Variants in TULP4 observed in about 807,000 individuals in gnomAD.
The protein encoded by TULP4 is TUB like protein 4, also known as tubby-related protein 4.
A neutral mutation model predicts 129.0 loss-of-function variants in TULP4; 16 were observed. The ratio of observed to expected loss-of-function variants is 0.12; its 90% CI spans 0.08 to 0.19. The LOEUF (loss-of-function observed/expected upper bound fraction) is 0.19, where lower values mean the gene tolerates loss of function less well. Ranked by LOEUF, TULP4 falls within the 10% of genes least tolerant of loss-of-function variation. The pLI is 1.00. For synonymous variants in TULP4, 998 were observed against 854.0 expected (o/e 1.17, Z -2.94); for missense variants, 1,842 against 2,059.1 (o/e 0.89, Z 2.04).
chr6:158,361,067 A>G (rs1211740542), intron 1 of TULP4, among the ~76,000 whole-genome samples: 1 of 152,118 alleles, frequency 6.6e-6, no homozygotes, highest in African/African-American at 2.4e-5. Context: ...TTTCTTTTTT[A>G]AAGTGATTGC....
intron 1 of TULP4, among the ~76,000 whole-genome samples, chr6:158,303,154 A>G (rs1779158342): frequency 6.6e-6 from 1 of 151,314 alleles, no homozygotes; most frequent in South Asian, 2.1e-4. Context: ...AGCCCATCCT[A>G]GGACCCCGTG....
rs948346066 is a variant in TULP4 at position 158,246,505 on chromosome 6, A to T, written n.68+14202A>T. On this transcript the variant is annotated intron_variant and non_coding_transcript_variant, in intron 1 of 1. Coordinates refer to the TULP4 transcript ENST00000620026. The stretch of plus-strand genomic sequence containing the variant: ...AGACTCCATCTCAAAAAAAAAAAAA[A>T]AATTAAATACATTATTTGCTCAGAA... Among the ~76,000 whole-genome samples, 354 of 152,192 alleles carry T rather than the reference A, an allele frequency of 2.3e-3. 1 individual carries two copies. The highest frequency in any genetic ancestry group is 3.9e-3 in the Non-Finnish European group (265 of 68,010).
rs1406839382 is a variant in TULP4 at position 158,493,507 on chromosome 6, G to A, written c.1632-66G>A. 5 of 1,389,950 alleles carry A rather than the reference G, an allele frequency of 3.6e-6. No homozygotes were observed. Among genetic ancestry groups the A allele is most frequent in the African/African-American group, 1.5e-5 (1 of 66,834 alleles). The allele number at this position is 1,389,950 out of a possible 1,614,324, so 86.1% of individuals were successfully genotyped here. On this transcript the variant is annotated intron_variant, in intron 9 of 13. Coordinates refer to ENST00000367097, the MANE Select transcript of TULP4 (RefSeq NM_020245.5). The surrounding 1 kb of genome is among the most constrained non-coding windows in gnomAD (Gnocchi z 4.4). ...CTGTCCAGAAAAAGAAAGGACTGCT[G>A]GAGTCAGGGCCATGCTCACCATTCC... is the stretch of plus-strand genomic sequence containing the variant.
intron 1 of TULP4, among the ~76,000 whole-genome samples, chr6:158,404,326 A>G (rs1229938548): frequency 6.6e-6 from 1 of 152,160 alleles, no homozygotes; most frequent in Non-Finnish European, 1.5e-5. Flanking sequence ...TTCTAACCAT[A>G]CCTGCTTCTT....
intron 1 of TULP4, among the ~76,000 whole-genome samples, chr6:158,378,008 C>CT (rs1222127237): frequency 6.6e-6 from 1 of 152,152 alleles, no homozygotes; most frequent in East Asian, 1.9e-4. Context: ...TCTCTGAGGG[C>CT]TGATAGGCTC....
chr6:158,335,041 G>T (rs1359768467), intron 1 of TULP4, among the ~76,000 whole-genome samples: 4 of 152,140 alleles, frequency 2.6e-5, no homozygotes, highest in Non-Finnish European at 5.9e-5. Flanking sequence ...GCTTTGGGAG[G>T]TTGAGGCGGG....
intron 1 of TULP4, among the ~76,000 whole-genome samples, chr6:158,262,574 C>T (rs1778370817): frequency 6.6e-6 from 1 of 152,162 alleles, no homozygotes; most frequent in African/African-American, 2.4e-5. Flanking sequence ...GAGCTTAGGT[C>T]AGTAATTTTC....
At chr6:158,243,544 C>T (rs1232844713) in intron 1 of TULP4, among the ~76,000 whole-genome samples, 2 of 151,554 alleles carry the variant, frequency 1.3e-5, no homozygotes. Flanking sequence ...CCTATAGGTT[C>T]TCTATCTTTT....
At chr6:158,467,903 A>G (rs1779588113) in intron 6 of TULP4, among the ~76,000 whole-genome samples, 1 of 152,180 alleles carries the variant, frequency 6.6e-6, no homozygotes, top group African/African-American at 2.4e-5. Context: ...GAGCCTTAAC[A>G]TTGTATCTTA....
intron 6 of TULP4, among the ~76,000 whole-genome samples, chr6:158,473,480 A>C (rs1288839175): frequency 6.6e-6 from 1 of 152,240 alleles, no homozygotes; most frequent in African/African-American, 2.4e-5. Flanking sequence ...GGCTCCAACC[A>C]ACGTAGTTTG....
chr6:158,461,455 T>G, intron 5 of TULP4, 108 bp from the exon 6 acceptor site: 10 of 1,042,750 alleles, frequency 9.6e-6, no homozygotes, highest in Non-Finnish European at 1.4e-5. Flanking sequence ...ATTTTTGTTG[T>G]ATTTGCTCAG....
Position 158,296,617 on chromosome 6 carries a change from G to A in TULP4, n.116+14239G>A, listed in dbSNP as rs145459532. Among the ~76,000 whole-genome samples, 804 of 152,104 alleles carry A rather than the reference G, an allele frequency of 5.3e-3. 6 individuals are homozygous for A. Among genetic ancestry groups the A allele is most frequent in the African/African-American group, 0.018 (767 of 41,484 alleles). Reference sequence around the variant, plus strand: ...AAAAGCAGAACTACTGATAAGTATCGGGGGAACCCACCCCCAATATTTCAA... The same window carrying A: ...AAAAGCAGAACTACTGATAAGTATCAGGGGAACCCACCCCCAATATTTCAA... On this transcript the variant is annotated intron_variant and non_coding_transcript_variant, in intron 1 of 1. Coordinates refer to the TULP4 transcript ENST00000432358.
chr6:158,363,860 A>G (rs1780857513), intron 1 of TULP4, among the ~76,000 whole-genome samples: 1 of 152,184 alleles, frequency 6.6e-6, no homozygotes, highest in Non-Finnish European at 1.5e-5. Context: ...ATAAATACAT[A>G]TTAAAATAGT....
In TULP4 at chr6:158,305,544, TA is replaced by T. The variant is rs879781930; in HGVS notation, n.117-6495del. Among the ~76,000 whole-genome samples, 63 of 143,906 alleles carry T rather than the reference TA, an allele frequency of 4.4e-4. 1 individual carries two copies. The highest frequency in any genetic ancestry group is 7.6e-4 in the Admixed American group (11 of 14,430). 94.4% of individuals were successfully genotyped at this position (143,906 alleles called of 152,430 possible). On this transcript the variant is annotated intron_variant and non_coding_transcript_variant, in intron 1 of 1. Coordinates refer to the TULP4 transcript ENST00000432358. Reference sequence around the variant, plus strand: ...ATAAGACCCTGTCTGTACCAAAAATTAAAAAAAAAAAATTAGCTAGCCTGGT... The same window carrying T: ...ATAAGACCCTGTCTGTACCAAAAATTAAAAAAAAAAATTAGCTAGCCTGGT...
At chr6:158,309,078 C>G (rs1479462608), upstream of TULP4, among the ~76,000 whole-genome samples, 2 of 117,716 alleles carry the variant, frequency 1.7e-5, no homozygotes, top group African/African-American at 6.2e-5. Flanking sequence ...GGCGGAGACG[C>G]TCCTCACTTC....
chr6:158,495,384 C>T (rs1328116732), intron 11 of TULP4, among the ~76,000 whole-genome samples: 2 of 152,032 alleles, frequency 1.3e-5, no homozygotes, highest in Non-Finnish European at 2.9e-5. Flanking sequence ...TGCTATAAGC[C>T]CTGACTCATA....
chr6:158,502,882 A>G lies in TULP4; in HGVS notation c.3219A>G (p.Pro1073=), dbSNP rs772592083. 6.2e-7 allele frequency: 1 copy of G among 1,613,708 alleles called. No homozygotes were observed. The highest frequency in any genetic ancestry group is 8.5e-7 in the Non-Finnish European group (1 of 1,179,974). The change falls in exon 13 of 14, where the codon CCA becomes CCG. Residue 1073 remains proline, a synonymous_variant. Transcript: ENST00000367097. ...AGTCCTCCTACAGCCTCCTGAGCCC[A>G]CCCGACAGCGCCCGCGACCGCACCG... ...ASQSSYSLLS[P]PDSARDRTDY... is the part of the protein sequence containing the mutation.
At chr6:158,351,036 G>A (rs1435408599) in intron 1 of TULP4, among the ~76,000 whole-genome samples, 3 of 152,124 alleles carry the variant, frequency 2.0e-5, no homozygotes, top group African/African-American at 7.2e-5. Flanking sequence ...TTACAGGCAT[G>A]AGCTACCACG....
intron 11 of TULP4, among the ~76,000 whole-genome samples, 187 bp downstream of exon 11, chr6:158,495,033 CT>C (rs1031044439): frequency 4.6e-5 from 7 of 152,010 alleles, no homozygotes; most frequent in African/African-American, 1.7e-4. Flanking sequence ...CTCACATTGG[CT>C]TTTTGCCAGT....
Sources: gnomAD v4.1 joint callset for allele counts (sites outside exome capture counted in the v4.1 genomes callset) on GRCh38, gnomAD v4.1.1 for gene constraint, Gnocchi (gnomAD v3.1) non-coding constraint, MANE v1.5 for transcripts, NCBI Gene and HGNC (gene_info 2026-07-23, HGNC 2026-07-21) for gene names.